Variants in SEMA3D observed in about 807,000 individuals in gnomAD.
SEMA3D encodes semaphorin 3D, also known as semaphorin-3D.
Under a neutral mutation model 100.1 loss-of-function variants are expected in SEMA3D, and 84 were observed. That is an observed-to-expected ratio of 0.84 (90% CI 0.70 to 1.01). The LOEUF (loss-of-function observed/expected upper bound fraction) is 1.01, where lower values mean the gene tolerates loss of function less well. SEMA3D is among the 50% of genes least tolerant of loss of function. The probability of loss-of-function intolerance (pLI) is 0.00; values close to 1 mark genes in which losing one functional copy is unlikely to be tolerated. For synonymous variants in SEMA3D, 312 were observed against 320.7 expected (o/e 0.97, Z 0.29); for missense variants, 875 against 934.1 (o/e 0.94, Z 0.82).
intron 1 of SEMA3D, chr7:85,167,397 G>C: frequency 1.0e-6 from 1 of 984,306 alleles, no homozygotes; most frequent in African/African-American, 1.7e-5. Flanking sequence ...AGAAGGATCG[G>C]TGGTTGTGTT....
intron 3 of SEMA3D, among the ~76,000 whole-genome samples, chr7:85,108,227 A>G (rs1047160511): frequency 3.9e-5 from 6 of 152,080 alleles, no homozygotes; most frequent in Admixed American, 1.3e-4. Context: ...CTGTATTTCA[A>G]CACCACCTCT....
the SEMA3D span, among the ~76,000 whole-genome samples, chr7:85,208,075 A>C: frequency 6.6e-6 from 1 of 152,060 alleles, no homozygotes; most frequent in Non-Finnish European, 1.5e-5. Context: ...TAAAACTTGA[A>C]TGTGGTAATT....
chr7:85,235,220 T>A, the SEMA3D span, among the ~76,000 whole-genome samples: 1 of 152,194 alleles, frequency 6.6e-6, no homozygotes, highest in Non-Finnish European at 1.5e-5. Flanking sequence ...ATATATATAC[T>A]TATATACACA....
intron 3 of SEMA3D, among the ~76,000 whole-genome samples, chr7:85,113,866 T>A (rs748410089): frequency 1.3e-5 from 2 of 152,182 alleles, no homozygotes; most frequent in Admixed American, 6.5e-5. Context: ...CCAGAGATAC[T>A]GCCTGCAACT....
the SEMA3D span, among the ~76,000 whole-genome samples, chr7:85,232,392 T>C: frequency 6.6e-6 from 1 of 152,220 alleles, no homozygotes; most frequent in Non-Finnish European, 1.5e-5. Flanking sequence ...TCTGTTTTTC[T>C]AATAATTCAG....
intron 1 of SEMA3D, among the ~76,000 whole-genome samples, chr7:85,177,741 A>T (rs1326809413): frequency 2.0e-5 from 3 of 152,180 alleles, no homozygotes; most frequent in Non-Finnish European, 4.4e-5. Flanking sequence ...AGAACAGCTA[A>T]TTTACAGTAT....
chr7:85,006,734 A>G, intron 18 of SEMA3D, 68 bp downstream of exon 18: 1 of 1,304,126 alleles, frequency 7.7e-7, no homozygotes, highest in Non-Finnish European at 1.0e-6. Flanking sequence ...ACAGAATTAA[A>G]AGTTGAACAT....
upstream of SEMA3D, among the ~76,000 whole-genome samples, chr7:85,188,064 C>T (rs1471444033): frequency 6.6e-6 from 1 of 152,158 alleles, no homozygotes; most frequent in Non-Finnish European, 1.5e-5. Flanking sequence ...CCAAAGCTTC[C>T]TTAGCAAGTA....
intron 1 of SEMA3D, among the ~76,000 whole-genome samples, chr7:85,180,802 C>G (rs566934127): frequency 1.3e-5 from 2 of 152,132 alleles, no homozygotes; most frequent in Non-Finnish European, 2.9e-5. Flanking sequence ...GTTCTCATAT[C>G]TCTTTAGGCT....
chr7:85,194,137 T>C, the SEMA3D span, among the ~76,000 whole-genome samples: 1 of 152,216 alleles, frequency 6.6e-6, no homozygotes, highest in Non-Finnish European at 1.5e-5. Flanking sequence ...TAGATGATTA[T>C]GTTATCTGCA....
intron 4 of SEMA3D, among the ~76,000 whole-genome samples, chr7:85,095,186 G>T (rs184206074): frequency 4.6e-5 from 7 of 152,040 alleles, no homozygotes. Flanking sequence ...CAAGAGTAAA[G>T]ATAGTAAAAA....
At chr7:85,236,934 G>C in the SEMA3D span, among the ~76,000 whole-genome samples, 2 of 152,082 alleles carry the variant, frequency 1.3e-5, no homozygotes, top group Admixed American at 1.3e-4. Flanking sequence ...ATGTAATTGT[G>C]TATTAACATG....
intron 2 of SEMA3D, among the ~76,000 whole-genome samples, chr7:85,130,347 A>G (rs1050372814): frequency 1.3e-5 from 2 of 152,220 alleles, no homozygotes; most frequent in Admixed American, 1.3e-4. Context: ...ATAGTTATTT[A>G]GTGAACATTT....
chr7:85,245,786 T>C, the SEMA3D span, among the ~76,000 whole-genome samples: 1 of 152,118 alleles, frequency 6.6e-6, no homozygotes, highest in Admixed American at 6.5e-5. Context: ...TATCTTCTCT[T>C]AGTAAGATTT....
chr7:85,007,375 G>A (rs1426980585), intron 17 of SEMA3D, among the ~76,000 whole-genome samples: 2 of 151,708 alleles, frequency 1.3e-5, no homozygotes, highest in African/African-American at 4.8e-5. Flanking sequence ...TTGGTCCACA[G>A]AGCTGATCAG....
chr7:85,107,140 G>C (rs570093862), intron 3 of SEMA3D, among the ~76,000 whole-genome samples: 1 of 152,094 alleles, frequency 6.6e-6, no homozygotes, highest in Admixed American at 6.6e-5. Context: ...GTGTAAAACT[G>C]ATCATTGATC....
rs748331323 is a variant in SEMA3D at position 85,006,755 on chromosome 7, T to C, written c.1908+47A>G. 4.0e-6 allele frequency: 6 copies of C among 1,491,102 alleles called. No individual in the cohort carries two copies. The Admixed American group carries it at 6.0e-5, about 15-fold the overall frequency. The allele number at this position is 1,491,102 out of a possible 1,614,324, so 92.4% of individuals were successfully genotyped here. ...TTAAAAGTTGAACATCTCTCAATCG[T>C]ACACTATTTCCCTCAAAGTGAGTAT... On this transcript the variant is annotated intron_variant, in intron 18 of 18. Coordinates refer to ENST00000284136, the MANE Select transcript of SEMA3D (RefSeq NM_001384900.1).
At chr7:85,196,693 AT>A in the SEMA3D span, among the ~76,000 whole-genome samples, 4 of 152,182 alleles carry the variant, frequency 2.6e-5, no homozygotes, top group Non-Finnish European at 5.9e-5. Context: ...GCTATTAGAG[AT>A]CCATAAAAAT....
At chr7:85,098,006 A>C in intron 3 of SEMA3D, 41 bp from the exon 4 acceptor site, 1 of 1,106,056 alleles carries the variant, frequency 9.0e-7, no homozygotes, top group Non-Finnish European at 1.2e-6. Flanking sequence ...GAAAGAAAAA[A>C]GAAAGAAAGA....
Sources: allele counts gnomAD v4.1 joint callset (sites outside exome capture counted in the v4.1 genomes callset), GRCh38; gene constraint gnomAD v4.1.1; transcripts MANE v1.5; gene names NCBI Gene and HGNC (gene_info 2026-07-23, HGNC 2026-07-21).